Variants in G3BP2 observed in about 807,000 individuals in gnomAD.
G3BP2 encodes the protein G3BP stress granule assembly factor 2, also known as ras GTPase-activating protein-binding protein 2.
A neutral mutation model predicts 56.7 loss-of-function variants in G3BP2; 11 were observed. The observed-to-expected ratio is 0.19, with a 90% CI of 0.12 to 0.32. G3BP2 has a LOEUF of 0.32. Ranked by LOEUF, G3BP2 falls within the 10% of genes least tolerant of loss-of-function variation. G3BP2 has a pLI of 1.00. For missense variants in G3BP2, 340 were observed against 610.9 expected, an observed-to-expected ratio of 0.56 and a Z score of 4.67; for synonymous variants, 165 against 191.6, an observed-to-expected ratio of 0.86 and a Z score of 1.15.
intron 3 of G3BP2, among the ~76,000 whole-genome samples, chr4:75,685,478 G>A (rs1320590494): frequency 2.7e-5 from 4 of 150,056 alleles, no homozygotes; most frequent in Non-Finnish European, 4.4e-5. Flanking sequence ...TCCAACCTGG[G>A]GGACAGAATG....
rs548462447 is a variant in G3BP2, at chr4:75,661,493, T to A, written c.95+438A>T. 3.4e-3 allele frequency: 509 copies of A among 151,824 alleles called. 5 individuals are homozygous for A. The highest frequency in any genetic ancestry group is 5.7e-3 in the Non-Finnish European group (387 of 68,272). The allele number at this position is 151,824 out of a possible 1,614,324, so 9.4% of individuals were successfully genotyped here. A position where few individuals can be genotyped will look rare whatever the true frequency, so the allele number is the denominator to read the frequency against. ...CCCAAAGTTTGTTTTTTTTTTTTTT[T>A]AATGAAATAAAGGTCGGGCTTGGTG... On this transcript the variant is annotated intron_variant, in intron 2 of 11. Coordinates refer to ENST00000359707, the MANE Select transcript of G3BP2 (RefSeq NM_203505.3).
intron 8 of G3BP2, among the ~76,000 whole-genome samples, chr4:75,650,426 C>CAAAATA (rs1553934140): frequency 1.3e-5 from 1 of 76,770 alleles, no homozygotes; most frequent in Non-Finnish European, 2.4e-5. Flanking sequence ...AACTCCATCT[C>CAAAATA]AAAAAAAAAA....
chr4:75,698,151 T>C (rs1387604913), intron 3 of G3BP2, among the ~76,000 whole-genome samples: 3 of 152,174 alleles, frequency 2.0e-5, no homozygotes, highest in African/African-American at 7.2e-5. Flanking sequence ...AATCTTCAGA[T>C]GGGGAGTTTA....
At chr4:75,689,355 G>T (rs1005083114) in intron 3 of G3BP2, among the ~76,000 whole-genome samples, 3 of 149,358 alleles carry the variant, frequency 2.0e-5, no homozygotes, top group African/African-American at 4.9e-5. Flanking sequence ...CAGCCTGGCA[G>T]ACAGAGCAAG....
chr4:75,673,142 G>C lies in G3BP2; in HGVS notation c.-25+66C>G. ...ACACCGGACGATTGCCTCGCGCCGC[G>C]GAGCGCGAATGGAATGTCCCTTTCC... On this transcript the variant is annotated intron_variant, in intron 1 of 11. Transcript: ENST00000359707. 3.6e-6 allele frequency: 4 copies of C among 1,125,264 alleles called. No individual in the cohort carries two copies. In the South Asian group the frequency reaches 1.3e-4, roughly 37 times the overall value. The allele number at this position is 1,125,264 out of a possible 1,614,324, so 69.7% of individuals were successfully genotyped here.
upstream of G3BP2, among the ~76,000 whole-genome samples, chr4:75,677,716 G>C (rs185218586): frequency 1.3e-5 from 2 of 152,318 alleles, no homozygotes; most frequent in African/African-American, 2.4e-5. Flanking sequence ...CTTGGAAAGT[G>C]TCTTTACTCA....
chr4:75,649,004 A>T, intron 8 of G3BP2: 1 of 271,494 alleles, frequency 3.7e-6, no homozygotes, highest in Non-Finnish European at 7.0e-6. Context: ...TTTTCATTAA[A>T]GTTATATCAA....
chr4:75,716,466 C>G (rs1042053912), intron 3 of G3BP2, among the ~76,000 whole-genome samples: 1 of 150,114 alleles, frequency 6.7e-6, no homozygotes, highest in African/African-American at 2.5e-5. Context: ...TGAGCCACCA[C>G]ACCCGGCCCT....
At position 75,644,097 on chromosome 4, in the gene G3BP2, G is replaced by C. The variant is rs373220417; in HGVS notation, c.*1333C>G. 1 of 152,618 alleles carries C rather than the reference G, an allele frequency of 6.6e-6. No individual in the cohort carries two copies. Among genetic ancestry groups the C allele is most frequent in the Non-Finnish European group, 1.5e-5 (1 of 68,032 alleles). 9.5% of individuals were successfully genotyped at this position (152,618 alleles called of 1,614,324 possible). On this transcript the variant is annotated 3_prime_UTR_variant, in exon 12 of 12. Coordinates refer to ENST00000359707, the MANE Select transcript of G3BP2 (RefSeq NM_203505.3). ...AAATGCAAACACTTAAAGAGCTGCT[G>C]TTCTTTTCTCCGAAAATTGCAGTAT...
chr4:75,691,022 C>A (rs1280099288), intron 3 of G3BP2, among the ~76,000 whole-genome samples: 1 of 152,056 alleles, frequency 6.6e-6, no homozygotes, highest in Admixed American at 6.6e-5. Flanking sequence ...CTTTTTTATT[C>A]CCCTGACTCC....
At chr4:75,663,590 C>T (rs1384334540) in intron 1 of G3BP2, among the ~76,000 whole-genome samples, 2 of 152,040 alleles carry the variant, frequency 1.3e-5, no homozygotes, top group African/African-American at 4.8e-5. Context: ...GGGCCAGGTA[C>T]GGTGGCTCAC....
At chr4:75,669,117 C>A (rs758831194) in intron 1 of G3BP2, among the ~76,000 whole-genome samples, 6 of 152,160 alleles carry the variant, frequency 3.9e-5, no homozygotes, top group Non-Finnish European at 8.8e-5. Context: ...CTCATCCAAA[C>A]GCAGAATTTC....
intron 3 of G3BP2, among the ~76,000 whole-genome samples, chr4:75,685,513 A>C (rs1248082071): frequency 1.3e-5 from 2 of 151,942 alleles, no homozygotes; most frequent in African/African-American, 4.8e-5. Flanking sequence ...AAAAAAAAAA[A>C]AAAAACCAAA....
chr4:75,659,191 T>C (rs1482181828), intron 2 of G3BP2, among the ~76,000 whole-genome samples: 1 of 152,234 alleles, frequency 6.6e-6, no homozygotes, highest in East Asian at 1.9e-4. Context: ...AGACAATCAT[T>C]AGATATTCAC....
chr4:75,644,704 C>T lies in G3BP2; in HGVS notation c.*726G>A, dbSNP rs1731087027. 1 of 152,642 alleles carries T rather than the reference C, an allele frequency of 6.6e-6. No individual in the cohort carries two copies. The highest frequency in any genetic ancestry group is 1.5e-5 in the Non-Finnish European group (1 of 68,040). The allele number at this position is 152,642 out of a possible 1,614,324, so 9.5% of individuals were successfully genotyped here. On this transcript the variant is annotated 3_prime_UTR_variant, in exon 12 of 12. Coordinates refer to ENST00000359707, the MANE Select transcript of G3BP2 (RefSeq NM_203505.3). Reference sequence around the variant, plus strand: ...AATCTTAGATATGGAGCTACTAAATCTGGTCTAATAGTCAAGACCATCGCA... The same window carrying T: ...AATCTTAGATATGGAGCTACTAAATTTGGTCTAATAGTCAAGACCATCGCA...
intron 3 of G3BP2, among the ~76,000 whole-genome samples, chr4:75,714,695 C>T (rs1287298837): frequency 6.6e-6 from 1 of 152,180 alleles, no homozygotes; most frequent in Non-Finnish European, 1.5e-5. Flanking sequence ...AATCTCTCTG[C>T]AATTCTGAAA....
chr4:75,689,888 C>T (rs1023298857), intron 3 of G3BP2, among the ~76,000 whole-genome samples: 1 of 152,078 alleles, frequency 6.6e-6, no homozygotes, highest in Non-Finnish European at 1.5e-5. Context: ...GTATAAAGTT[C>T]AAAAGGAGCA....
In G3BP2 at chr4:75,656,906, T is replaced by A. The variant is rs1045302919; in HGVS notation, c.442+18A>T. On this transcript the variant is annotated intron_variant, in intron 5 of 11. Transcript: ENST00000359707. ...CCAACAGAACCCTTCTATCTTCATA[T>A]CTTCAAAGTAACCTCACCTTCATCA... is the stretch of plus-strand genomic sequence containing the variant. The A allele has an allele frequency of 8.5e-7, 1 of 1,174,814 alleles. No homozygotes were observed. The highest frequency in any genetic ancestry group is 1.5e-5 in the African/African-American group (1 of 66,068). The allele number at this position is 1,174,814 out of a possible 1,614,324, so 72.8% of individuals were successfully genotyped here. A position where few individuals can be genotyped will look rare whatever the true frequency, so the allele number is the denominator to read the frequency against.
Position 75,646,350 on chromosome 4 carries a change from G to C in G3BP2, c.1164C>G (p.Ile388Met). 1 of 1,482,184 alleles carries C rather than the reference G, an allele frequency of 6.7e-7. No individual in the cohort carries two copies. The highest frequency in any genetic ancestry group is 9.3e-7 in the Non-Finnish European group (1 of 1,073,778). 91.8% of individuals were successfully genotyped at this position (1,482,184 alleles called of 1,614,324 possible). A position where few individuals can be genotyped will look rare whatever the true frequency, so the allele number is the denominator to read the frequency against. ...VFDDSEPVQR[I>M]LIAKPIMFRG... Reference sequence around the variant, plus strand: ...TTAAATCACTTACTTTTGCAATTAAGATTCTCTGAACTGGTTCAGAGTCAT... The same window carrying C: ...TTAAATCACTTACTTTTGCAATTAACATTCTCTGAACTGGTTCAGAGTCAT... The change falls in exon 11 of 12, where the codon ATC becomes ATG. Residue 388 changes from isoleucine (I) to methionine (M), a missense_variant. Physicochemically the swap from Ile to Met is conservative, Grantham distance 10 (BLOSUM62 1). Around this residue, in one of 4 missense-constraint regions of G3BP2, gnomAD observed 94 missense variants for 173.8 expected, o/e 0.54. Transcript: ENST00000359707.
Sources: allele counts gnomAD v4.1 joint callset (sites outside exome capture counted in the v4.1 genomes callset), GRCh38; gene constraint gnomAD v4.1.1; regional missense constraint gnomAD v4.1.1; transcripts MANE v1.5; gene names NCBI Gene and HGNC (gene_info 2026-07-23, HGNC 2026-07-21).